Variants in DST observed in about 807,000 individuals in gnomAD.
DST encodes the protein bullous pemphigoid antigen.
DST carries 253 observed loss-of-function variants against 875.2 expected under a neutral mutation model. The ratio of observed to expected loss-of-function variants is 0.29; its 90% CI spans 0.26 to 0.32. The LOEUF is 0.32. Ranked by LOEUF, DST falls within the 10% of genes least tolerant of loss-of-function variation. The pLI is 1.00. For missense variants in DST, 8,287 were observed against 9,111.6 expected, an observed-to-expected ratio of 0.91 and a Z score of 3.68; for synonymous variants, 3,124 against 3,197.1, an observed-to-expected ratio of 0.98 and a Z score of 0.77.
chr6:56,871,288 C>A, intron 3 of DST: 1 of 789,402 alleles, frequency 1.3e-6, no homozygotes. Context: ...CGTGAAACTG[C>A]CCAGGACACC....
intron 64 of DST, among the ~76,000 whole-genome samples, chr6:56,531,695 C>T (rs933200044): frequency 6.6e-6 from 1 of 152,228 alleles, no homozygotes; most frequent in African/African-American, 2.4e-5. Flanking sequence ...GTAGCTACTA[C>T]TATGGCTAGT....
chr6:56,596,210 G>T (rs865994911), intron 47 of DST, among the ~76,000 whole-genome samples: 1 of 151,700 alleles, frequency 6.6e-6, no homozygotes, highest in Non-Finnish European at 1.5e-5. Flanking sequence ...TGTATTTTTA[G>T]TAGAGACAGG....
chr6:56,628,591 A>G (rs572042414), intron 32 of DST, among the ~76,000 whole-genome samples: 2 of 152,302 alleles, frequency 1.3e-5, no homozygotes, highest in Admixed American at 6.5e-5. Flanking sequence ...GTGATTACAT[A>G]CCTGTCTCTA....
At chr6:56,796,741 A>C (rs950808803) in intron 4 of DST, among the ~76,000 whole-genome samples, 3 of 152,110 alleles carry the variant, frequency 2.0e-5, no homozygotes, top group Admixed American at 6.6e-5. Context: ...TAAAAAATAA[A>C]TATTGTTATA....
At chr6:56,793,144 A>T (rs917339567) in intron 4 of DST, among the ~76,000 whole-genome samples, 10 of 149,260 alleles carry the variant, frequency 6.7e-5, no homozygotes, top group African/African-American at 2.5e-4. Context: ...CCTTATTTGC[A>T]TCTTGGAGTC....
At chr6:56,459,382 C>T in intron 103 of DST, 115 bp from the exon 104 acceptor site, 1 of 1,052,398 alleles carries the variant, frequency 9.5e-7, no homozygotes. Context: ...GTAGTAGGCA[C>T]TCAGAAAACA....
chr6:56,472,865 C>A (rs969101382), intron 93 of DST, among the ~76,000 whole-genome samples: 1 of 152,228 alleles, frequency 6.6e-6, no homozygotes, highest in Non-Finnish European at 1.5e-5. Flanking sequence ...CAAGTCTCAA[C>A]AACTTCACAA....
intron 45 of DST, among the ~76,000 whole-genome samples, chr6:56,599,427 G>C (rs1487404766): frequency 6.6e-6 from 1 of 152,016 alleles, no homozygotes; most frequent in Admixed American, 6.6e-5. Context: ...ATGACTATGT[G>C]ACCTTAACTG....
intron 5 of DST, among the ~76,000 whole-genome samples, chr6:56,730,637 A>G (rs2099494002): frequency 6.6e-6 from 1 of 152,240 alleles, no homozygotes; most frequent in African/African-American, 2.4e-5. Context: ...CTGAAGACAC[A>G]GGTATTTCCA....
At chr6:56,915,817 A>C (rs908012889) in intron 2 of DST, among the ~76,000 whole-genome samples, 2 of 152,244 alleles carry the variant, frequency 1.3e-5, no homozygotes, top group Non-Finnish European at 2.9e-5. Context: ...CTGAACTGTT[A>C]ATACTTTACG....
intron 4 of DST, among the ~76,000 whole-genome samples, chr6:56,788,125 T>C (rs2099708785): frequency 1.9e-5 from 1 of 53,518 alleles, no homozygotes. Context: ...CAAGACTCCG[T>C]CTCAAAAAAA....
At chr6:56,807,129 C>A (rs1461166721) in intron 4 of DST, among the ~76,000 whole-genome samples, 2 of 152,178 alleles carry the variant, frequency 1.3e-5, no homozygotes, top group Non-Finnish European at 2.9e-5. Flanking sequence ...CAGCTCACTG[C>A]AACCTCCGCT....
intron 3 of DST, among the ~76,000 whole-genome samples, chr6:56,858,927 A>G (rs13215883): frequency 0.12 from 18,267 of 152,236 alleles, 1,535 homozygotes; most frequent in Non-Finnish European, 0.18. Context: ...TACAAGGTGC[A>G]GCCAGGATTT....
chr6:56,659,630 G>A (rs1345407259), intron 10 of DST, among the ~76,000 whole-genome samples: 1 of 152,180 alleles, frequency 6.6e-6, no homozygotes, highest in Admixed American at 6.5e-5. Context: ...TGAAGAATGA[G>A]TATGAAGTGA....
chr6:56,674,785 A>G (rs1448299342), intron 9 of DST, among the ~76,000 whole-genome samples: 1 of 152,240 alleles, frequency 6.6e-6, no homozygotes, highest in African/African-American at 2.4e-5. Context: ...TAGATATCCC[A>G]TGTTCATTCA....
chr6:56,659,779 G>A (rs919092343), intron 10 of DST, among the ~76,000 whole-genome samples: 7 of 152,170 alleles, frequency 4.6e-5, no homozygotes, highest in Non-Finnish European at 8.8e-5. Flanking sequence ...AACAGAAGAG[G>A]CTGCAACATG....
intron 4 of DST, among the ~76,000 whole-genome samples, chr6:56,832,815 C>T (rs1419167689): frequency 2.0e-5 from 3 of 152,218 alleles, no homozygotes; most frequent in Non-Finnish European, 4.4e-5. Context: ...TCTCAGCTCA[C>T]TGCAACCTCG....
chr6:56,673,747 A>G (rs1393343311), intron 9 of DST, among the ~76,000 whole-genome samples: 1 of 152,244 alleles, frequency 6.6e-6, no homozygotes, highest in Non-Finnish European at 1.5e-5. Context: ...GTATATTCAT[A>G]TAATTTTACA....
At chr6:56,893,561 T>G (rs1313052077) in intron 3 of DST, among the ~76,000 whole-genome samples, 2 of 92,454 alleles carry the variant, frequency 2.2e-5, no homozygotes, top group Non-Finnish European at 4.3e-5. Context: ...TACTTTTAGT[T>G]CTTTTTTTTT....
Sources: gnomAD v4.1 joint callset for allele counts (sites outside exome capture counted in the v4.1 genomes callset) on GRCh38, gnomAD v4.1.1 for gene constraint, MANE v1.5 for transcripts, NCBI Gene and HGNC (gene_info 2026-07-23, HGNC 2026-07-21) for gene names.